The following IL1RAPL2 variants were observed in gnomAD, a reference collection of about 807,000 sequenced individuals.
IL1RAPL2 encodes the protein interleukin 1 receptor accessory protein like 2, also known as X-linked interleukin-1 receptor accessory protein-like 2.
In IL1RAPL2, 3 loss-of-function variants were observed where a neutral mutation model predicts 44.1. That is an observed-to-expected ratio of 0.07 (90% CI 0.03 to 0.18). IL1RAPL2 has a LOEUF of 0.18. Ranked by LOEUF, IL1RAPL2 falls within the 10% of genes least tolerant of loss-of-function variation. The pLI, the probability that IL1RAPL2 is intolerant of heterozygous loss-of-function variation, is 1.00. For missense variants in IL1RAPL2, 391 were observed against 496.4 expected (o/e 0.79, Z 2.02); for synonymous variants, 181 against 178.8 (o/e 1.01, Z -0.10).
chrX:104,797,974 T>C (rs1482578036), intron 2 of IL1RAPL2, among the ~76,000 whole-genome samples: 2 of 111,818 alleles, frequency 1.8e-5, no homozygotes, highest in Non-Finnish European at 3.8e-5. Flanking sequence ...CCCAGCAAGA[T>C]AGATTGAATG....
intron 6 of IL1RAPL2, among the ~76,000 whole-genome samples, chrX:105,667,168 A>T (rs748767390): frequency 8.9e-6 from 1 of 112,019 alleles, no homozygotes; most frequent in Non-Finnish European, 1.9e-5. Flanking sequence ...TGAACAATAA[A>T]CCAATAGCAC....
chrX:104,908,580 T>A (rs1156365883), intron 2 of IL1RAPL2, among the ~76,000 whole-genome samples: 1 of 111,497 alleles, frequency 9.0e-6, no homozygotes, highest in South Asian at 3.7e-4. Flanking sequence ...TTTGGCTGGA[T>A]ATGAAATTCT....
intron 2 of IL1RAPL2, among the ~76,000 whole-genome samples, chrX:104,869,986 G>C (rs1490312908): frequency 2.7e-5 from 3 of 111,897 alleles, no homozygotes; most frequent in African/African-American, 9.7e-5. Flanking sequence ...TATTCCAAAA[G>C]ATCTCTTATA....
intron 2 of IL1RAPL2, among the ~76,000 whole-genome samples, chrX:104,682,298 A>T (rs946852935): frequency 2.7e-5 from 3 of 112,403 alleles, no homozygotes; most frequent in African/African-American, 9.7e-5. Context: ...CAGAAATTTC[A>T]AAAAATTACA....
chrX:105,241,090 G>A (rs2034167088), intron 4 of IL1RAPL2, among the ~76,000 whole-genome samples: 1 of 111,216 alleles, frequency 9.0e-6, no homozygotes, highest in South Asian at 3.8e-4. Flanking sequence ...TTATTTTGAC[G>A]GTGCTTCCCA....
intron 2 of IL1RAPL2, among the ~76,000 whole-genome samples, chrX:105,120,535 A>G (rs2032913035): frequency 9.0e-6 from 1 of 111,104 alleles, no homozygotes; most frequent in Non-Finnish European, 1.9e-5. Flanking sequence ...CCCTCTTCCC[A>G]AGCCACCATT....
rs1020067326 is a variant in IL1RAPL2, at chrX:104,566,815, G to A, written c.-256G>A. On this transcript the variant is annotated 5_prime_UTR_variant, in exon 1 of 11. Transcript: ENST00000372582. ...TGAACTCTAGAAATCTTCCCTGGCT[G>A]GGGGGAAGTTTACTAGTATCCTCTT... The A allele has an allele frequency of 8.8e-6, 1 of 112,995 alleles. No homozygotes were observed. Among genetic ancestry groups the A allele is most frequent in the Non-Finnish European group, 1.9e-5 (1 of 53,437 alleles). The allele number at this position is 112,995 out of a possible 1,213,427, so 9.3% of individuals were successfully genotyped here.
At chrX:104,926,245 AC>A (rs1305718862) in intron 2 of IL1RAPL2, among the ~76,000 whole-genome samples, 1 of 112,375 alleles carries the variant, frequency 8.9e-6, no homozygotes, top group African/African-American at 3.2e-5. Flanking sequence ...TGCAAACATT[AC>A]AAGAATTAAT....
intron 4 of IL1RAPL2, among the ~76,000 whole-genome samples, chrX:105,263,941 C>T (rs1458913660): frequency 9.0e-6 from 1 of 111,531 alleles, no homozygotes; most frequent in Non-Finnish European, 1.9e-5. Flanking sequence ...GTGGTTTGTC[C>T]TGGCCTCAGA....
At chrX:104,608,511 G>C (rs776181713) in intron 1 of IL1RAPL2, among the ~76,000 whole-genome samples, 8 of 110,267 alleles carry the variant, frequency 7.3e-5, no homozygotes, top group Admixed American at 6.8e-4. Flanking sequence ...TATGAATCTG[G>C]GTGCTCCTGT....
chrX:104,876,864 T>A (rs1922916577), intron 2 of IL1RAPL2, among the ~76,000 whole-genome samples: 1 of 109,200 alleles, frequency 9.2e-6, no homozygotes. Flanking sequence ...TATCTCCCAA[T>A]GCTATCCCTC....
intron 2 of IL1RAPL2, among the ~76,000 whole-genome samples, chrX:105,127,542 A>G (rs1439477334): frequency 4.5e-5 from 5 of 110,772 alleles, no homozygotes; most frequent in African/African-American, 1.6e-4. Flanking sequence ...ACTATATTAG[A>G]CTAGGAAAAT....
In IL1RAPL2 at chrX:104,644,493, T is replaced by C. The variant is rs759879301; in HGVS notation, c.-19-14402T>C. Among the ~76,000 whole-genome samples, 18 of 111,817 alleles carry C rather than the reference T, an allele frequency of 1.6e-4. No homozygotes were observed. The South Asian group carries it at 6.7e-3, about 42-fold the overall frequency. ...CCTTCCTCCCATTTTCAATTGAAGA[T>C]CAGAAAATCCTCCCGTGTATGTCAA... On this transcript the variant is annotated intron_variant, in intron 1 of 10. Transcript: ENST00000372582.
intron 6 of IL1RAPL2, among the ~76,000 whole-genome samples, chrX:105,565,811 C>T (rs1164911729): frequency 8.9e-6 from 1 of 111,947 alleles, no homozygotes; most frequent in East Asian, 2.8e-4. Context: ...GATTCTCTTT[C>T]CAAGACACCA....
At chrX:104,671,441 C>T (rs1930600988) in intron 2 of IL1RAPL2, among the ~76,000 whole-genome samples, 1 of 111,832 alleles carries the variant, frequency 8.9e-6, no homozygotes, top group Admixed American at 9.5e-5. Flanking sequence ...CTTTGAAGAA[C>T]CATTTCAAAT....
rs1314092829 is a variant in IL1RAPL2 at position 105,387,800 on chromosome X, G to T, written c.698-96513G>T. Among the ~76,000 whole-genome samples, 7 of 110,219 alleles carry T rather than the reference G, an allele frequency of 6.4e-5. No individual in the cohort carries two copies. In the East Asian group the frequency reaches 2.0e-3, roughly 32 times the overall value. On this transcript the variant is annotated intron_variant, in intron 5 of 10. Coordinates refer to ENST00000372582, the MANE Select transcript of IL1RAPL2 (RefSeq NM_017416.2). ...CTCCTTCAGCTTCTAAAGAATTTAG[G>T]TTAATTTACAAAACAGAAAGTGATT...
At chrX:105,074,589 T>G (rs2032262097) in intron 2 of IL1RAPL2, among the ~76,000 whole-genome samples, 1 of 107,513 alleles carries the variant, frequency 9.3e-6, no homozygotes, top group Non-Finnish European at 1.9e-5. Flanking sequence ...AAGTCATTGG[T>G]AGCTTGATGG....
intron 5 of IL1RAPL2, among the ~76,000 whole-genome samples, chrX:105,338,969 G>A (rs1049105326): frequency 4.5e-5 from 5 of 110,988 alleles, no homozygotes; most frequent in African/African-American, 1.6e-4. Context: ...AAGATGTGGC[G>A]GTGTGCGCCT....
intron 2 of IL1RAPL2, among the ~76,000 whole-genome samples, chrX:104,949,003 C>T (rs1925482176): frequency 9.1e-6 from 1 of 109,682 alleles, no homozygotes; most frequent in African/African-American, 3.3e-5. Flanking sequence ...GTACCAGTTC[C>T]TCCTTGTACC....
Sources: gnomAD v4.1 joint callset for allele counts (sites outside exome capture counted in the v4.1 genomes callset) on GRCh38, gnomAD v4.1.1 for gene constraint, MANE v1.5 for transcripts, NCBI Gene and HGNC (gene_info 2026-07-23, HGNC 2026-07-21) for gene names.